Variants in MAN1C1 observed in about 807,000 individuals in gnomAD.
MAN1C1 encodes the protein mannosyl-oligosaccharide 1,2-alpha-mannosidase IC.
MAN1C1 carries 49 observed loss-of-function variants against 71.5 expected under a neutral mutation model. The observed-to-expected ratio is 0.69, with a 90% CI of 0.54 to 0.87. The LOEUF is 0.87. Ranked by LOEUF, MAN1C1 falls within the 40% of genes least tolerant of loss-of-function variation. The probability of loss-of-function intolerance (pLI) is 0.00; values close to 1 mark genes in which losing one functional copy is unlikely to be tolerated. For missense variants in MAN1C1, 743 were observed against 835.0 expected (o/e 0.89, Z 1.36); for synonymous variants, 352 against 343.7 (o/e 1.02, Z -0.27).
chr1:25,623,460 G>T (rs572956434), intron 1 of MAN1C1, among the ~76,000 whole-genome samples: 2 of 151,800 alleles, frequency 1.3e-5, no homozygotes, highest in Middle Eastern at 3.2e-3. Flanking sequence ...GTGGTGGGGG[G>T]GGGTAAGAAT....
At chr1:25,702,763 C>T (rs912573667) in intron 2 of MAN1C1, among the ~76,000 whole-genome samples, 1 of 152,148 alleles carries the variant, frequency 6.6e-6, no homozygotes, top group South Asian at 2.1e-4. Context: ...TAAAGTAGTA[C>T]CAATAAATAG....
chr1:25,765,432 A>G (rs184810396), intron 7 of MAN1C1, among the ~76,000 whole-genome samples: 29 of 152,288 alleles, frequency 1.9e-4, no homozygotes, highest in Admixed American at 1.6e-3. Context: ...TCTGTGTGCA[A>G]ACAAGGACCC....
At position 25,617,929 on chromosome 1, in the gene MAN1C1, C is replaced by T; in HGVS notation, c.132C>T (p.Pro44=). Residue 44 remains proline (P), a synonymous_variant, in exon 1 of 12, where the codon CCC becomes CCT. Coordinates refer to ENST00000374332, the MANE Select transcript of MAN1C1 (RefSeq NM_020379.4). The surrounding 1 kb of genome is among the most constrained non-coding windows in gnomAD (Gnocchi z 5.1). ...TLCFGALFLL[P]HSSRLKRLFL... is the part of the protein sequence containing the mutation. Reference sequence around the variant, plus strand: ...GCTTCGGGGCCCTCTTCCTGCTGCCCCACTCCTCTCGCCTCAAGCGCCTCT... The same window carrying T: ...GCTTCGGGGCCCTCTTCCTGCTGCCTCACTCCTCTCGCCTCAAGCGCCTCT... The T allele has an allele frequency of 6.2e-7, 1 of 1,607,212 alleles. No homozygotes were observed. Among genetic ancestry groups the T allele is most frequent in the Non-Finnish European group, 8.5e-7 (1 of 1,177,602 alleles).
rs371912688 is a variant in MAN1C1, at chr1:25,755,560, C to A, written c.929+1982C>A. Among the ~76,000 whole-genome samples the A allele has an allele frequency of 4.6e-5, 7 of 152,348 alleles. No individual in the cohort carries two copies. In the East Asian group the frequency reaches 1.3e-3, roughly 29 times the overall value. Reference sequence around the variant, plus strand: ...CGTCTGGTGAGAAGTCACTGTGTGTCAGGCATCACGTGAGCACGTGACATG... The same window carrying A: ...CGTCTGGTGAGAAGTCACTGTGTGTAAGGCATCACGTGAGCACGTGACATG... On this transcript the variant is annotated intron_variant, in intron 5 of 11. Coordinates refer to ENST00000374332, the MANE Select transcript of MAN1C1 (RefSeq NM_020379.4).
chr1:25,690,961 A>T (rs1281065301), intron 2 of MAN1C1, among the ~76,000 whole-genome samples: 1 of 152,164 alleles, frequency 6.6e-6, no homozygotes, highest in African/African-American at 2.4e-5. Context: ...CTCGCCTGTA[A>T]AAGGGTACAG....
chr1:25,662,889 G>A (rs758788910), intron 1 of MAN1C1, among the ~76,000 whole-genome samples: 6 of 152,016 alleles, frequency 3.9e-5, no homozygotes, highest in Admixed American at 6.6e-5. Context: ...GTGAAACCCC[G>A]TCTTACTAAA....
intron 1 of MAN1C1, among the ~76,000 whole-genome samples, chr1:25,619,106 A>G (rs1218696547): frequency 6.6e-6 from 1 of 152,224 alleles, no homozygotes; most frequent in East Asian, 1.9e-4. Context: ...TAAGAAATCA[A>G]AAGCAAACAC....
rs1449756454 is a variant in MAN1C1 at position 25,778,432 on chromosome 1, C to T, written c.1477+108C>T. The T allele has an allele frequency of 3.6e-6, 4 of 1,120,488 alleles. No homozygotes were observed. The highest frequency in any genetic ancestry group is 5.0e-6 in the Non-Finnish European group (4 of 796,552). 69.4% of individuals were successfully genotyped at this position (1,120,488 alleles called of 1,614,324 possible). A position where few individuals can be genotyped will look rare whatever the true frequency, so the allele number is the denominator to read the frequency against. Reference sequence around the variant, plus strand: ...AAGGGAGCACATGGCCTTAGGGAAGCCTCCCCTTGGAAGTTAAGTAGAATT... The same window carrying T: ...AAGGGAGCACATGGCCTTAGGGAAGTCTCCCCTTGGAAGTTAAGTAGAATT... On this transcript the variant is annotated intron_variant, in intron 9 of 11. Transcript: ENST00000374332. The surrounding 1 kb of genome is among the most constrained non-coding windows in gnomAD (Gnocchi z 5.5).
rs773953190 is a variant in MAN1C1, at chr1:25,780,897, G to C, written c.1478-43G>C. 1.9e-6 allele frequency: 3 copies of C among 1,595,728 alleles called. No individual in the cohort carries two copies. The African/African-American group carries it at 4.0e-5, about 21-fold the overall frequency. On this transcript the variant is annotated intron_variant, in intron 9 of 11. Coordinates refer to ENST00000374332, the MANE Select transcript of MAN1C1 (RefSeq NM_020379.4). Reference sequence around the variant, plus strand: ...TCTCCTGGATCCCGAAAAGCAGGAGGTGGGAGGTCTGACCTGGGCCCTCTG... The same window carrying C: ...TCTCCTGGATCCCGAAAAGCAGGAGCTGGGAGGTCTGACCTGGGCCCTCTG...
chr1:25,712,433 A>G (rs1313108753), intron 2 of MAN1C1, among the ~76,000 whole-genome samples: 1 of 152,192 alleles, frequency 6.6e-6, no homozygotes, highest in East Asian at 1.9e-4. Context: ...CCAGCCTAGC[A>G]GAAGAAGTGA....
chr1:25,674,044 G>T (rs1053548393), intron 1 of MAN1C1, among the ~76,000 whole-genome samples: 4 of 152,210 alleles, frequency 2.6e-5, no homozygotes, highest in African/African-American at 9.7e-5. Context: ...CCCAATCTGT[G>T]ATAGAACAGA....
At chr1:25,628,406 C>T (rs1246835755) in intron 1 of MAN1C1, among the ~76,000 whole-genome samples, 1 of 152,146 alleles carries the variant, frequency 6.6e-6, no homozygotes, top group Non-Finnish European at 1.5e-5. Flanking sequence ...CTCCCGGGTT[C>T]AAGCAATTCT....
At chr1:25,736,937 C>A (rs1203602626) in intron 2 of MAN1C1, among the ~76,000 whole-genome samples, 2 of 152,216 alleles carry the variant, frequency 1.3e-5, no homozygotes, top group East Asian at 1.9e-4. Flanking sequence ...CTTCAAAGCC[C>A]ACGCTGTCTT....
intron 1 of MAN1C1, among the ~76,000 whole-genome samples, chr1:25,626,489 G>A (rs1254583901): frequency 6.6e-6 from 1 of 151,920 alleles, no homozygotes; most frequent in Admixed American, 6.6e-5. Context: ...CTTCTGAGTA[G>A]CTGGGACTAC....
At chr1:25,722,614 C>T (rs559664534) in intron 2 of MAN1C1, among the ~76,000 whole-genome samples, 56 of 152,302 alleles carry the variant, frequency 3.7e-4, no homozygotes, top group Admixed American at 3.0e-3. Flanking sequence ...GTCTCACAGA[C>T]GCACCATTTT....
intron 2 of MAN1C1, among the ~76,000 whole-genome samples, chr1:25,689,346 G>T (rs2786867): frequency 0.22 from 33,330 of 152,028 alleles, 6,241 homozygotes; most frequent in African/African-American, 0.51. Flanking sequence ...ACTTTACTAC[G>T]TCCTGGTTGT....
intron 2 of MAN1C1, among the ~76,000 whole-genome samples, chr1:25,722,131 G>A (rs1436292663): frequency 6.6e-6 from 1 of 152,158 alleles, no homozygotes; most frequent in Admixed American, 6.5e-5. Context: ...CCGACATTCC[G>A]GATGAGAAAC....
In MAN1C1 at chr1:25,662,800, G is replaced by A. The variant is rs1017239554; in HGVS notation, c.541-23640G>A. 3.9e-5 allele frequency among the ~76,000 whole-genome samples: 6 copies of A among 152,154 alleles called. No homozygotes were observed. In the East Asian group the frequency reaches 7.7e-4, roughly 20 times the overall value. Reference sequence around the variant, plus strand: ...ATTTAGGCCGGGCACGGTGGCTCACGCCTGTAATCCCAGCACTTTGGGAGG... The same window carrying A: ...ATTTAGGCCGGGCACGGTGGCTCACACCTGTAATCCCAGCACTTTGGGAGG... On this transcript the variant is annotated intron_variant, in intron 1 of 11. Coordinates refer to ENST00000374332, the MANE Select transcript of MAN1C1 (RefSeq NM_020379.4).
intron 1 of MAN1C1, among the ~76,000 whole-genome samples, chr1:25,625,566 A>G (rs2045281331): frequency 6.6e-6 from 1 of 152,222 alleles, no homozygotes; most frequent in African/African-American, 2.4e-5. Context: ...TTGTAATTCT[A>G]GCACTTTGGG....
Sources: allele counts gnomAD v4.1 joint callset (sites outside exome capture counted in the v4.1 genomes callset), GRCh38; gene constraint gnomAD v4.1.1; non-coding constraint Gnocchi (gnomAD v3.1); transcripts MANE v1.5; gene names NCBI Gene and HGNC (gene_info 2026-07-23, HGNC 2026-07-21).